The following ZNF732 variants were observed in gnomAD, a reference collection of about 807,000 sequenced individuals.
ZNF732 encodes zinc finger protein LOC654254.
A neutral mutation model predicts 11.5 loss-of-function variants in ZNF732; 12 were observed. The ratio of observed to expected loss-of-function variants is 1.05; its 90% CI spans 0.67 to 1.70. The LOEUF is 1.70. ZNF732 is among the 40% of genes most tolerant of loss of function. The pLI is 0.00. For synonymous variants in ZNF732, 231 were observed against 236.5 expected (o/e 0.98, Z 0.21); for missense variants, 702 against 676.9 (o/e 1.04, Z -0.41).
In ZNF732 at chr4:295,510, G is replaced by C; in HGVS notation, c.154C>G (p.Leu52Val). The change falls in exon 3 of 4, where the codon CTG (leucine) becomes GTG (valine). Residue 52 changes from leucine to valine, a missense_variant. Physicochemically the swap from Leu to Val is conservative, Grantham distance 32 (BLOSUM62 1). This residue lies in a region of ZNF732 where 596 missense variants were observed against 557.9 expected (regional missense o/e 1.07). Coordinates refer to ENST00000419098, the MANE Select transcript of ZNF732 (RefSeq NM_001137608.3). ...TTTCTTTGCTCCAGATAGATGACCAGGTCTGGGTTAGAGATAGCAACACCT... is the reference window on the plus strand; with the variant it reads ...TTTCTTTGCTCCAGATAGATGACCACGTCTGGGTTAGAGATAGCAACACCT... ...SLGVAISNPD[L>V]VIYLEQRKEP... 1 of 1,612,764 alleles carries C rather than the reference G, an allele frequency of 6.2e-7. No individual in the cohort carries two copies. Among genetic ancestry groups the C allele is most frequent in the Non-Finnish European group, 8.5e-7 (1 of 1,179,378 alleles).
At chr4:299,463 A>ATATATATATATACACATATGTGTG in intron 1 of ZNF732, among the ~76,000 whole-genome samples, 1 of 60,150 alleles carries the variant, frequency 1.7e-5, no homozygotes, top group Admixed American at 1.8e-4. Flanking sequence ...ACATATGTGT[A>ATATATATATATACACATATGTGTG]TATATATATA....
rs561560189 is a variant in ZNF732, at chr4:295,225, T to G, written c.226+213A>C. On this transcript the variant is annotated intron_variant, in intron 3 of 3. Transcript: ENST00000419098. ...GTGGACATTGGCTCTCCCTGTAAAC[T>G]TGAAGGGAGATCACTAAAGAAAAAA... Among the ~76,000 whole-genome samples, 7 of 152,262 alleles carry G rather than the reference T, an allele frequency of 4.6e-5. No individual in the cohort carries two copies. The South Asian group carries it at 6.2e-4, about 14-fold the overall frequency.
At chr4:303,076 A>G (rs1348000195) in intron 1 of ZNF732, among the ~76,000 whole-genome samples, 2 of 152,176 alleles carry the variant, frequency 1.3e-5, no homozygotes, top group Non-Finnish European at 2.9e-5. Flanking sequence ...CACAGTTCCC[A>G]GGAATTCGTC....
chr4:286,022 G>A (rs2108656194), intron 3 of ZNF732, among the ~76,000 whole-genome samples: 1 of 152,362 alleles, frequency 6.6e-6, no homozygotes, highest in South Asian at 2.1e-4. Context: ...AGTGGGATAT[G>A]TGTCCACATT....
chr4:295,782 T>C (rs1333252037), intron 2 of ZNF732, among the ~76,000 whole-genome samples: 1 of 152,218 alleles, frequency 6.6e-6, no homozygotes, highest in Non-Finnish European at 1.5e-5. Flanking sequence ...ATAATTTATG[T>C]CATTGAATTT....
chr4:289,678 T>G (rs1553841118), intron 3 of ZNF732, among the ~76,000 whole-genome samples: 1 of 152,250 alleles, frequency 6.6e-6, no homozygotes, highest in Admixed American at 6.5e-5. Context: ...TTCGTGTTTC[T>G]GTAGAAATTT....
chr4:277,568 T>C (rs1283527768), intron 3 of ZNF732, among the ~76,000 whole-genome samples: 1 of 151,690 alleles, frequency 6.6e-6, no homozygotes, highest in African/African-American at 2.4e-5. Context: ...AATATAAGAC[T>C]TGACTCCAGT....
chr4:275,222 G>C (rs781854491), intron 3 of ZNF732, among the ~76,000 whole-genome samples: 7 of 151,546 alleles, frequency 4.6e-5, no homozygotes, highest in Non-Finnish European at 1.5e-5. Flanking sequence ...ACTGGAATGA[G>C]AGTAGAAATA....
chr4:283,497 T>TA (rs1184935008), intron 3 of ZNF732, among the ~76,000 whole-genome samples: 19 of 148,508 alleles, frequency 1.3e-4, no homozygotes, highest in African/African-American at 3.7e-4. Flanking sequence ...AATAGACTTC[T>TA]AAAAAAAATC....
chr4:304,021 G>C (rs1720173898), intron 1 of ZNF732, among the ~76,000 whole-genome samples: 1 of 152,180 alleles, frequency 6.6e-6, no homozygotes, highest in Non-Finnish European at 1.5e-5. Flanking sequence ...TGGTCCAGAA[G>C]CCTGGGTGGG....
intron 3 of ZNF732, among the ~76,000 whole-genome samples, chr4:290,403 T>G (rs1553841195): frequency 6.6e-6 from 1 of 152,234 alleles, no homozygotes; most frequent in African/African-American, 2.4e-5. Flanking sequence ...TCAAGAGACC[T>G]GCAGGAAGAC....
At chr4:293,464 G>A (rs1464078622) in intron 3 of ZNF732, among the ~76,000 whole-genome samples, 1 of 151,956 alleles carries the variant, frequency 6.6e-6, no homozygotes, top group Non-Finnish European at 1.5e-5. Context: ...TTCTCACTTA[G>A]ACAGGGAATC....
intron 1 of ZNF732, among the ~76,000 whole-genome samples, chr4:304,330 G>T (rs1364629363): frequency 6.6e-6 from 1 of 151,886 alleles, no homozygotes; most frequent in South Asian, 2.1e-4. Flanking sequence ...GAGACCTGGA[G>T]GAAAAGGACA....
At chr4:301,151 A>G (rs1175288930) in intron 1 of ZNF732, among the ~76,000 whole-genome samples, 1 of 152,238 alleles carries the variant, frequency 6.6e-6, no homozygotes, top group East Asian at 1.9e-4. Flanking sequence ...GAAAATGCAA[A>G]TCAAAACCAC....
intron 3 of ZNF732, among the ~76,000 whole-genome samples, chr4:290,976 C>CGG (rs1297550971): frequency 6.6e-6 from 1 of 152,158 alleles, no homozygotes; most frequent in East Asian, 1.9e-4. Flanking sequence ...AGGGCTGCTT[C>CGG]AGGGACCACA....
At chr4:283,101 G>A (rs1230297774) in intron 3 of ZNF732, among the ~76,000 whole-genome samples, 1 of 152,128 alleles carries the variant, frequency 6.6e-6, no homozygotes, top group African/African-American at 2.4e-5. Flanking sequence ...AAGGTCATGA[G>A]AGGATCAGTA....
At chr4:276,716 T>C (rs1553838737) in intron 3 of ZNF732, among the ~76,000 whole-genome samples, 1 of 151,882 alleles carries the variant, frequency 6.6e-6, no homozygotes, top group East Asian at 1.9e-4. Context: ...AATATGAAAG[T>C]GGCTATACTA....
Position 272,207 on chromosome 4 carries a change from T to A in ZNF732, c.650A>T (p.His217Leu), listed in dbSNP as rs781815837. Residue 217 changes from histidine (H) to leucine (L), a missense_variant, in exon 4 of 4, where the codon CAT becomes CTT. By Grantham distance (99) the His-to-Leu change is moderately conservative (BLOSUM62 -3). Transcript: ENST00000419098. ...YLIFNEYEII[H>L]TGEKPFTCEE... ...ACATGTGAAGGGTTTCTCTCCAGTA[T>A]GAATTATCTCATATTCATTAAAGAT... The A allele has an allele frequency of 3.7e-6, 6 of 1,613,198 alleles. 1 individual carries two copies. The South Asian group carries it at 6.6e-5, about 18-fold the overall frequency.
chr4:305,219 C>G lies in ZNF732; in HGVS notation c.3+89G>C, dbSNP rs1005738011. The stretch of plus-strand genomic sequence containing the variant: ...GGGCTGAGCGGCGGCAGCGGAGACT[C>G]CGTTCGCAGACTCCGTCCCGCCGCC... On this transcript the variant is annotated intron_variant, in intron 1 of 3. Coordinates refer to ENST00000419098, the MANE Select transcript of ZNF732 (RefSeq NM_001137608.3). 8 of 1,506,276 alleles carry G rather than the reference C, an allele frequency of 5.3e-6. No individual in the cohort carries two copies. The African/African-American group carries it at 9.7e-5, about 18-fold the overall frequency. 93.3% of individuals were successfully genotyped at this position (1,506,276 alleles called of 1,614,324 possible).
Sources: gnomAD v4.1 joint callset for allele counts (sites outside exome capture counted in the v4.1 genomes callset) on GRCh38, gnomAD v4.1.1 for gene constraint, gnomAD v4.1.1 regional missense constraint, MANE v1.5 for transcripts, NCBI Gene and HGNC (gene_info 2026-07-23, HGNC 2026-07-21) for gene names.